LONP2: variants seen among roughly 807,000 people sequenced by gnomAD.
LONP2 encodes lon peptidase 2, peroxisomal, also known as lon protease homolog 2, peroxisomal.
A neutral mutation model predicts 85.6 loss-of-function variants in LONP2; 60 were observed. The observed-to-expected ratio is 0.70, with a 90% confidence interval of 0.57 to 0.87. The LOEUF (loss-of-function observed/expected upper bound fraction) is 0.87, where lower values mean the gene tolerates loss of function less well. LONP2 is among the 40% of genes least tolerant of loss of function. LONP2 has a pLI of 0.00. For missense variants in LONP2, 860 were observed against 1,063.5 expected (o/e 0.81, Z 2.66); for synonymous variants, 395 against 389.7 (o/e 1.01, Z -0.16).
chr16:48,301,357 T>G (rs1239997922), intron 10 of LONP2, among the ~76,000 whole-genome samples: 1 of 152,224 alleles, frequency 6.6e-6, no homozygotes, highest in Non-Finnish European at 1.5e-5. Flanking sequence ...TATTTATTTT[T>G]TAAGACAGGT....
chr16:48,348,321 T>C (rs753250015), intron 14 of LONP2, 31 bp downstream of exon 14: 3 of 1,315,330 alleles, frequency 2.3e-6, no homozygotes, highest in East Asian at 2.8e-5. Flanking sequence ...TATATGGTTA[T>C]TTTTTATTTA....
chr16:48,294,461 G>A (rs1245126176), intron 8 of LONP2, among the ~76,000 whole-genome samples: 2 of 152,118 alleles, frequency 1.3e-5, no homozygotes, highest in East Asian at 3.9e-4. Context: ...TATGTATGAG[G>A]CCTAGAATTA....
At chr16:48,358,683 T>C (rs1263043661), downstream of LONP2, among the ~76,000 whole-genome samples, 1 of 152,044 alleles carries the variant, frequency 6.6e-6, no homozygotes, top group Non-Finnish European at 1.5e-5. Flanking sequence ...TAGCCAAGCA[T>C]GATGCCATAC....
In LONP2 at chr16:48,277,353, C is replaced by T. The variant is rs914024968; in HGVS notation, c.1257C>T (p.Gly419=). The T allele has an allele frequency of 1.2e-6, 2 of 1,613,350 alleles. No individual in the cohort carries two copies. The highest frequency in any genetic ancestry group is 1.3e-5 in the African/African-American group (1 of 74,962). ...CTTTCTCTAGGCGCACCTATGTTGG[C>T]AGCATGCCTGGTCGCATCATCAACG... ...DIRGHRRTYV[G]SMPGRIINGL... Residue 419 remains glycine (G), a synonymous_variant, in exon 8 of 15, where the codon GGC becomes GGT. Coordinates refer to ENST00000285737, the MANE Select transcript of LONP2 (RefSeq NM_031490.5).
In LONP2 at chr16:48,362,720, T is replaced by C. The variant is rs1000882423; in HGVS notation, c.*857T>C. The C allele has an allele frequency of 1.8e-5, 5 of 284,928 alleles. No individual in the cohort carries two copies. The highest frequency in any genetic ancestry group is 1.3e-3 in the Middle Eastern group (1 of 776). 17.6% of individuals were successfully genotyped at this position (284,928 alleles called of 1,614,324 possible). A position where few individuals can be genotyped will look rare whatever the true frequency, so the allele number is the denominator to read the frequency against. On this transcript the variant is annotated 3_prime_UTR_variant, in exon 5 of 5. Coordinates refer to the LONP2 transcript ENST00000565867. The surrounding 1 kb of genome is among the most constrained non-coding windows in gnomAD (Gnocchi z 4.2). The stretch of plus-strand genomic sequence containing the variant: ...CTACATAGAATAATAAATGCTAAAA[T>C]AGAAAATGGACCATAAACAACTAAA...
chr16:48,244,688 C>T (rs919352181), intron 1 of LONP2, 67 bp downstream of exon 1: 3 of 1,140,364 alleles, frequency 2.6e-6, no homozygotes, highest in African/African-American at 1.6e-5. Flanking sequence ...GGGCCCAGGC[C>T]ACGGCCTGCC....
At chr16:48,247,593 C>T (rs908747654) in intron 1 of LONP2, 55 of 152,346 alleles carry the variant, frequency 3.6e-4, no homozygotes, top group African/African-American at 1.2e-3. Context: ...ACTTGTCCTG[C>T]AGTATAGAAC....
Position 48,270,160 on chromosome 16 carries a change from C to T in LONP2, c.1127C>T (p.Pro376Leu), listed in dbSNP as rs776370938. Reference protein sequence around the residue: ...LKGPILCFVGPPGVGKTSVGR... With the variant: ...LKGPILCFVGLPGVGKTSVGR... ...GGCCCAATCCTATGCTTTGTTGGCC[C>T]TCCTGGAGTTGGTAAAACAAGTGTG... The change falls in exon 7 of 15, where the codon CCT (proline) becomes CTT (leucine). Residue 376 changes from proline to leucine, a missense_variant. This residue lies in a region of LONP2 where 743 missense variants were observed against 917.3 expected (regional missense o/e 0.81). Transcript: ENST00000285737. 3.7e-6 allele frequency: 6 copies of T among 1,613,866 alleles called. No homozygotes were observed. Among genetic ancestry groups the T allele is most frequent in the Non-Finnish European group, 5.1e-6 (6 of 1,179,990 alleles).
In LONP2 at chr16:48,347,432, C is replaced by G. The variant is rs1025524881; in HGVS notation, c.1939-75C>G. 4.8e-6 allele frequency: 7 copies of G among 1,449,034 alleles called. No individual in the cohort carries two copies. The African/African-American group carries it at 9.8e-5, about 20-fold the overall frequency. The allele number at this position is 1,449,034 out of a possible 1,614,324, so 89.8% of individuals were successfully genotyped here. A position where few individuals can be genotyped will look rare whatever the true frequency, so the allele number is the denominator to read the frequency against. On this transcript the variant is annotated intron_variant, in intron 12 of 14. Coordinates refer to ENST00000285737, the MANE Select transcript of LONP2 (RefSeq NM_031490.5). ...TGAAGTCTTCTGTGGAGTCAGCCGA[C>G]TCTTGCAGGATTGTGTGGTATCAGT...
intron 11 of LONP2, among the ~76,000 whole-genome samples, chr16:48,308,732 C>T (rs1485740770): frequency 6.6e-6 from 1 of 151,520 alleles, no homozygotes; most frequent in Non-Finnish European, 1.5e-5. Context: ...TTCTTCTAGA[C>T]GTTGCCATAA....
At chr16:48,322,904 C>G (rs1396443209) in intron 11 of LONP2, among the ~76,000 whole-genome samples, 1 of 152,182 alleles carries the variant, frequency 6.6e-6, no homozygotes, top group African/African-American at 2.4e-5. Flanking sequence ...GTAATGCATT[C>G]CATTGCCCTA....
chr16:48,327,395 C>T (rs999031573), intron 11 of LONP2, among the ~76,000 whole-genome samples: 2 of 152,154 alleles, frequency 1.3e-5, no homozygotes, highest in African/African-American at 4.8e-5. Context: ...TTATTCTACT[C>T]ATTTTATATT....
chr16:48,348,310 T>G lies in LONP2; in HGVS notation c.2337+20T>G. ...CTTCCAGTAAGTATGAAAAAACAATTTATATGGTTATTTTTTATTTAATTT... is the reference window on the plus strand; with the variant it reads ...CTTCCAGTAAGTATGAAAAAACAATGTATATGGTTATTTTTTATTTAATTT... On this transcript the variant is annotated intron_variant, in intron 14 of 14. Coordinates refer to ENST00000285737, the MANE Select transcript of LONP2 (RefSeq NM_031490.5). 1.5e-6 allele frequency: 2 copies of G among 1,362,328 alleles called. No homozygotes were observed. The highest frequency in any genetic ancestry group is 1.9e-6 in the Non-Finnish European group (2 of 1,034,014). The allele number at this position is 1,362,328 out of a possible 1,614,324, so 84.4% of individuals were successfully genotyped here. A position where few individuals can be genotyped will look rare whatever the true frequency, so the allele number is the denominator to read the frequency against.
chr16:48,257,718 T>C (rs56210528), intron 3 of LONP2, among the ~76,000 whole-genome samples: 1,863 of 152,354 alleles, frequency 0.012, 40 homozygotes, highest in African/African-American at 0.042. Flanking sequence ...TAAATCCAAC[T>C]GTTATAATAG....
chr16:48,248,871 G>C (rs942794925), intron 1 of LONP2, among the ~76,000 whole-genome samples: 1 of 134,856 alleles, frequency 7.4e-6, no homozygotes, highest in African/African-American at 2.8e-5. Context: ...GACAGAGCAA[G>C]ATTCTGTCTA....
At chr16:48,331,393 G>A (rs74017916) in intron 11 of LONP2, among the ~76,000 whole-genome samples, 1 of 152,284 alleles carries the variant, frequency 6.6e-6, no homozygotes, top group African/African-American at 2.4e-5. Context: ...TGAAGCAAAT[G>A]AATGCTATAA....
At chr16:48,307,974 C>T (rs1283854932) in intron 11 of LONP2, among the ~76,000 whole-genome samples, 1 of 152,080 alleles carries the variant, frequency 6.6e-6, no homozygotes, top group Admixed American at 6.6e-5. Context: ...AGCCAGGGAC[C>T]TTTTAACAAC....
intron 11 of LONP2, among the ~76,000 whole-genome samples, chr16:48,321,994 C>T (rs1973275926): frequency 6.7e-6 from 1 of 148,386 alleles, no homozygotes; most frequent in East Asian, 2.0e-4. Context: ...CTGTGTTGCT[C>T]AGGCTGGTCT....
chr16:48,273,741 A>G (rs893593167), intron 7 of LONP2, among the ~76,000 whole-genome samples: 3 of 152,148 alleles, frequency 2.0e-5, no homozygotes, highest in African/African-American at 7.2e-5. Context: ...TGTTTGCATA[A>G]TTGTTTTTCA....
Sources: allele counts gnomAD v4.1 joint callset (sites outside exome capture counted in the v4.1 genomes callset), GRCh38; gene constraint gnomAD v4.1.1; regional missense constraint gnomAD v4.1.1; non-coding constraint Gnocchi (gnomAD v3.1); transcripts MANE v1.5; gene names NCBI Gene and HGNC (gene_info 2026-07-23, HGNC 2026-07-21).